Variants in LCLAT1 observed in about 807,000 individuals in gnomAD.
The protein encoded by LCLAT1 is lysocardiolipin acyltransferase 1, also known as 1-AGP acyltransferase 8.
Under a neutral mutation model 30.7 loss-of-function variants are expected in LCLAT1, and 11 were observed. The ratio of observed to expected loss-of-function variants is 0.36; its 90% CI spans 0.23 to 0.59. The LOEUF is 0.59. LCLAT1 is among the 20% of genes least tolerant of loss of function. The pLI is 0.77. For synonymous variants in LCLAT1, 155 were observed against 151.3 expected (o/e 1.02, Z -0.18); for missense variants, 402 against 458.6 (o/e 0.88, Z 1.13).
chr2:30,544,021 C>T (rs1239050777), intron 3 of LCLAT1, among the ~76,000 whole-genome samples: 1 of 152,060 alleles, frequency 6.6e-6, no homozygotes, highest in Non-Finnish European at 1.5e-5. Context: ...CCTTTTTTAA[C>T]ACAGGTGTTT....
At chr2:30,627,551 A>G (rs1668570590) in intron 5 of LCLAT1, among the ~76,000 whole-genome samples, 1 of 152,212 alleles carries the variant, frequency 6.6e-6, no homozygotes. Context: ...GTCTGTATAA[A>G]TCTATTAAGT....
intron 4 of LCLAT1, among the ~76,000 whole-genome samples, chr2:30,562,957 G>A (rs1665308948): frequency 6.6e-6 from 1 of 152,152 alleles, no homozygotes; most frequent in Admixed American, 6.5e-5. Flanking sequence ...AGCAGGAATA[G>A]CTTTGCCCTT....
At chr2:30,601,721 C>T (rs1229022783) in intron 5 of LCLAT1, among the ~76,000 whole-genome samples, 1 of 146,560 alleles carries the variant, frequency 6.8e-6, no homozygotes, top group Non-Finnish European at 1.5e-5. Context: ...GGCAGGTTTA[C>T]TTTCTTTAAT....
chr2:30,502,989 G>A (rs991797641), intron 1 of LCLAT1, among the ~76,000 whole-genome samples: 4 of 152,188 alleles, frequency 2.6e-5, no homozygotes, highest in African/African-American at 7.2e-5. Context: ...AGTAGGCAAC[G>A]TATGGTCTCT....
chr2:30,605,184 G>T (rs1667380828), intron 5 of LCLAT1, among the ~76,000 whole-genome samples: 1 of 152,224 alleles, frequency 6.6e-6, no homozygotes, highest in Non-Finnish European at 1.5e-5. Context: ...TTATAGTGCG[G>T]AGATTTACAG....
chr2:30,560,783 A>G (rs1665180009), intron 3 of LCLAT1, among the ~76,000 whole-genome samples: 1 of 152,326 alleles, frequency 6.6e-6, no homozygotes. Context: ...ATAAGAGTTT[A>G]TTATTCCTCT....
intron 1 of LCLAT1, among the ~76,000 whole-genome samples, chr2:30,483,492 G>T (rs1683414651): frequency 6.6e-6 from 1 of 152,030 alleles, no homozygotes; most frequent in African/African-American, 2.4e-5. Flanking sequence ...TTAAAGTGAG[G>T]ATATAATGTG....
intron 1 of LCLAT1, among the ~76,000 whole-genome samples, chr2:30,462,875 A>G (rs1682232723): frequency 6.6e-6 from 1 of 152,234 alleles, no homozygotes; most frequent in African/African-American, 2.4e-5. Flanking sequence ...AATAGGGAGC[A>G]TTCTTTAGCA....
intron 1 of LCLAT1, among the ~76,000 whole-genome samples, chr2:30,508,339 T>C (rs1314393892): frequency 3.9e-5 from 6 of 152,214 alleles, no homozygotes; most frequent in Non-Finnish European, 8.8e-5. Flanking sequence ...GGTATCTTTG[T>C]CATGAAATCT....
At chr2:30,633,130 A>G (rs1668848514) in intron 5 of LCLAT1, among the ~76,000 whole-genome samples, 1 of 152,196 alleles carries the variant, frequency 6.6e-6, no homozygotes, top group Non-Finnish European at 1.5e-5. Flanking sequence ...TTACATGTCC[A>G]TGTCAACGTG....
At chr2:30,626,843 G>C (rs535050831) in intron 5 of LCLAT1, among the ~76,000 whole-genome samples, 1 of 151,576 alleles carries the variant, frequency 6.6e-6, no homozygotes, top group Non-Finnish European at 1.5e-5. Flanking sequence ...TAGATAATTC[G>C]TAATTTTCCT....
In LCLAT1 at chr2:30,537,997, T is replaced by A. The variant is rs577354522; in HGVS notation, c.364+4683T>A. Among the ~76,000 whole-genome samples the A allele has an allele frequency of 2.5e-4, 38 of 151,552 alleles. No homozygotes were observed. In the East Asian group the frequency reaches 7.4e-3, roughly 29 times the overall value. ...AATGACCGGTGGATCAATGAAGAAA[T>A]TAAGAAGGAAATAAAAAAAAAATTT... On this transcript the variant is annotated intron_variant, in intron 3 of 5. Transcript: ENST00000379509.
intron 1 of LCLAT1, among the ~76,000 whole-genome samples, chr2:30,494,553 CGCATACGTGCATACACACAT>C (rs1347889931): frequency 3.3e-5 from 2 of 59,734 alleles, no homozygotes; most frequent in Non-Finnish European, 7.6e-5. Context: ...CATACACACA[CGCATACGTGCATACACACAT>C]GCATACGTGC....
At chr2:30,560,122 G>C (rs1315012069) in intron 3 of LCLAT1, among the ~76,000 whole-genome samples, 1 of 152,194 alleles carries the variant, frequency 6.6e-6, no homozygotes, top group Admixed American at 6.5e-5. Context: ...GCAGTGTACA[G>C]TCATGTCCAA....
At chr2:30,462,892 AGTTTTGGT>A (rs1682234193) in intron 1 of LCLAT1, among the ~76,000 whole-genome samples, 1 of 152,190 alleles carries the variant, frequency 6.6e-6, no homozygotes, top group Non-Finnish European at 1.5e-5. Context: ...AGCATAGATA[AGTTTTGGT>A]AAATAGATAG....
intron 1 of LCLAT1, among the ~76,000 whole-genome samples, chr2:30,508,385 C>T (rs915768538): frequency 1.1e-4 from 17 of 151,698 alleles, no homozygotes; most frequent in South Asian, 6.2e-4. Flanking sequence ...TATTGCCTTC[C>T]GGGTTTTTAT....
At chr2:30,488,270 T>C (rs1030871582) in intron 1 of LCLAT1, among the ~76,000 whole-genome samples, 5 of 152,266 alleles carry the variant, frequency 3.3e-5, no homozygotes, top group African/African-American at 9.6e-5. Flanking sequence ...CAGATTACTT[T>C]GGCTGTAAGT....
At chr2:30,621,471 T>G (rs1422461158) in intron 5 of LCLAT1, among the ~76,000 whole-genome samples, 1 of 152,078 alleles carries the variant, frequency 6.6e-6, no homozygotes, top group African/African-American at 2.4e-5. Flanking sequence ...CCGACTTGGA[T>G]GGACAGAGCA....
intron 5 of LCLAT1, among the ~76,000 whole-genome samples, chr2:30,573,268 C>T (rs930353592): frequency 6.6e-6 from 1 of 152,210 alleles, no homozygotes; most frequent in African/African-American, 2.4e-5. Flanking sequence ...CAGTGCCATA[C>T]TGGTCTGGGC....
Sources: allele counts gnomAD v4.1 joint callset (sites outside exome capture counted in the v4.1 genomes callset), GRCh38; gene constraint gnomAD v4.1.1; transcripts MANE v1.5; gene names NCBI Gene and HGNC (gene_info 2026-07-23, HGNC 2026-07-21).